ITGA8: variants seen among roughly 807,000 people sequenced by gnomAD.
ITGA8 encodes the protein integrin alpha-8.
A neutral mutation model predicts 142.3 loss-of-function variants in ITGA8; 91 were observed. That is an observed-to-expected ratio of 0.64 (90% confidence interval 0.54 to 0.76). The LOEUF (loss-of-function observed/expected upper bound fraction) is 0.76. Ranked by LOEUF, ITGA8 falls within the 30% of genes least tolerant of loss-of-function variation. The pLI, the probability that ITGA8 is intolerant of heterozygous loss-of-function variation, is 0.00. For synonymous variants in ITGA8, 505 were observed against 485.2 expected (o/e 1.04, Z -0.54); for missense variants, 1,406 against 1,327.7 (o/e 1.06, Z -0.92).
At chr10:15,630,416 C>T (rs1833663517) in intron 13 of ITGA8, among the ~76,000 whole-genome samples, 3 of 152,164 alleles carry the variant, frequency 2.0e-5, no homozygotes, top group Non-Finnish European at 2.9e-5. Context: ...ATTAGGATTT[C>T]GCAGTGAGTA....
At chr10:15,711,658 C>CA (rs1462613836) in intron 2 of ITGA8, among the ~76,000 whole-genome samples, 2 of 152,002 alleles carry the variant, frequency 1.3e-5, no homozygotes, top group Non-Finnish European at 2.9e-5. Context: ...ACCTCCCCCC[C>CA]AAAAGATTCC....
At chr10:15,517,391 C>G (rs1832983992) in intron 29 of ITGA8, 147 bp from the exon 30 acceptor site, 1 of 482,668 alleles carries the variant, frequency 2.1e-6, no homozygotes, top group South Asian at 2.2e-5. Flanking sequence ...GTGGCGTGAT[C>G]TTGGCTCACT....
intron 24 of ITGA8, among the ~76,000 whole-genome samples, chr10:15,573,877 A>T (rs531207281): frequency 5.5e-5 from 8 of 145,778 alleles, no homozygotes; most frequent in East Asian, 3.9e-4. Flanking sequence ...GACTTTATTT[A>T]AAAAAAAAAA....
chr10:15,580,126 T>TGAAAAA (rs1834379443), intron 23 of ITGA8, among the ~76,000 whole-genome samples: 1 of 108,900 alleles, frequency 9.2e-6, no homozygotes, highest in Non-Finnish European at 1.8e-5. Flanking sequence ...TCAGAAAATG[T>TGAAAAA]AAAAAAAAAA....
intron 13 of ITGA8, among the ~76,000 whole-genome samples, chr10:15,640,214 T>G (rs1177631986): frequency 6.6e-6 from 1 of 152,194 alleles, no homozygotes; most frequent in Non-Finnish European, 1.5e-5. Flanking sequence ...CTCAATCCCC[T>G]CTACGGCCCG....
At chr10:15,705,479 T>G (rs574842486) in intron 2 of ITGA8, among the ~76,000 whole-genome samples, 3 of 152,328 alleles carry the variant, frequency 2.0e-5, no homozygotes, top group African/African-American at 7.2e-5. Context: ...AGGCCAGTCC[T>G]TCCACTTGTA....
chr10:15,599,920 CA>C (rs1016891176), intron 20 of ITGA8, among the ~76,000 whole-genome samples: 1 of 151,746 alleles, frequency 6.6e-6, no homozygotes, highest in African/African-American at 2.4e-5. Context: ...GACACCATCT[CA>C]AAAAAACAAA....
Position 15,541,158 on chromosome 10 carries a change from C to T in ITGA8, c.2880+7297G>A, listed in dbSNP as rs559026495. Among the ~76,000 whole-genome samples, 16 of 152,304 alleles carry T rather than the reference C, an allele frequency of 1.1e-4. No individual in the cohort carries two copies. In the South Asian group the frequency reaches 2.9e-3, roughly 28 times the overall value. On this transcript the variant is annotated intron_variant, in intron 27 of 29. Coordinates refer to ENST00000378076, the MANE Select transcript of ITGA8 (RefSeq NM_003638.3). ...AGCCCTGCTCCTCAGGCAGCAGGTC[C>T]AGTTCAATAAAAGGCTGTTGGAGAT...
At position 15,719,546 on chromosome 10, in the gene ITGA8, C is replaced by G. The variant is rs748998159; in HGVS notation, c.209+17G>C. The G allele has an allele frequency of 5.8e-6, 9 of 1,541,266 alleles. No individual in the cohort carries two copies. In the African/African-American group the frequency reaches 8.6e-5, roughly 15 times the overall value. On this transcript the variant is annotated intron_variant, in intron 1 of 29. Coordinates refer to ENST00000378076, the MANE Select transcript of ITGA8 (RefSeq NM_003638.3). ...GCCTTCGTCCCCGCGCGCACCTCCC[C>G]GGGTCGGGCGACTTACGTGCGGGCG...
At chr10:15,649,389 G>A (rs72779988) in intron 11 of ITGA8, among the ~76,000 whole-genome samples, 26,755 of 151,810 alleles carry the variant, frequency 0.18, 2,944 homozygotes, top group Admixed American at 0.3. Flanking sequence ...CCAGCACTTT[G>A]GGAGGCCGAG....
intron 2 of ITGA8, among the ~76,000 whole-genome samples, chr10:15,705,004 G>GTTGT (rs3048325): frequency 0.93 from 141,650 of 151,814 alleles, 66,700 homozygotes; most frequent in East Asian, 1. Flanking sequence ...TGTTGTTGTT[G>GTTGT]TTGTTTGTTT....
intron 8 of ITGA8, among the ~76,000 whole-genome samples, chr10:15,665,565 T>G (rs980314994): frequency 6.1e-5 from 6 of 98,572 alleles, no homozygotes; most frequent in African/African-American, 1.5e-4. Flanking sequence ...CATTGCTTTT[T>G]GTGTTTTAGA....
intron 13 of ITGA8, among the ~76,000 whole-genome samples, chr10:15,635,620 A>T (rs1833760013): frequency 6.6e-6 from 1 of 152,146 alleles, no homozygotes; most frequent in Non-Finnish European, 1.5e-5. Flanking sequence ...GAATTACTTC[A>T]ATTTGATCTA....
intron 8 of ITGA8, among the ~76,000 whole-genome samples, chr10:15,661,845 G>T (rs1834293191): frequency 6.6e-6 from 1 of 152,178 alleles, no homozygotes; most frequent in Non-Finnish European, 1.5e-5. Context: ...AATCTGGAGA[G>T]ACTGCCAGGA....
rs149137811 is a variant in ITGA8, at chr10:15,612,114, A to G, written c.1553+1546T>C. On this transcript the variant is annotated intron_variant, in intron 15 of 29. Coordinates refer to ENST00000378076, the MANE Select transcript of ITGA8 (RefSeq NM_003638.3). ...TATTTTCTCAGATCAGGTTTTCATT[A>G]TACTATTTTATGGTTTTAACCAAAT... Among the ~76,000 whole-genome samples, 350 of 152,302 alleles carry G rather than the reference A, an allele frequency of 2.3e-3. 10 individuals are homozygous for G. The East Asian group carries it at 0.056, about 24-fold the overall frequency.
Position 15,658,902 on chromosome 10 carries a change from T to G in ITGA8, c.948+97A>C, listed in dbSNP as rs9333129. 3,495 of 856,908 alleles carry G rather than the reference T, an allele frequency of 4.1e-3. 56 individuals are homozygous for G. In the African/African-American group the frequency reaches 0.049, roughly 12 times the overall value. The allele number at this position is 856,908 out of a possible 1,614,324, so 53.1% of individuals were successfully genotyped here. A position where few individuals can be genotyped will look rare whatever the true frequency, so the allele number is the denominator to read the frequency against. ...GTTTCCAGTACGTAGTAGCTGCTCA[T>G]TAAATATTTGTCAAATGGATGAATA... On this transcript the variant is annotated intron_variant, in intron 10 of 29. Transcript: ENST00000378076.
intron 26 of ITGA8, among the ~76,000 whole-genome samples, chr10:15,553,947 G>A (rs1176320187): frequency 7.9e-5 from 12 of 151,880 alleles, no homozygotes; most frequent in South Asian, 4.2e-4. Flanking sequence ...GAGCTGAGAC[G>A]GCACCATTGC....
chr10:15,648,107 C>T (rs1834020469), intron 11 of ITGA8, among the ~76,000 whole-genome samples: 1 of 152,180 alleles, frequency 6.6e-6, no homozygotes, highest in Non-Finnish European at 1.5e-5. Flanking sequence ...GGAAACTTCA[C>T]TATAAGCCTT....
At chr10:15,708,496 T>C (rs2131735008) in intron 2 of ITGA8, among the ~76,000 whole-genome samples, 1 of 152,310 alleles carries the variant, frequency 6.6e-6, no homozygotes, top group East Asian at 1.9e-4. Context: ...CTCCTTGCCA[T>C]GTGTCTATTC....
Sources: gnomAD v4.1 joint callset for allele counts (sites outside exome capture counted in the v4.1 genomes callset) on GRCh38, gnomAD v4.1.1 for gene constraint, MANE v1.5 for transcripts, NCBI Gene and HGNC (gene_info 2026-07-23, HGNC 2026-07-21) for gene names.